The following QPCT variants were observed in gnomAD, a reference collection of about 807,000 sequenced individuals.
The protein encoded by QPCT is EC.
A neutral mutation model predicts 43.4 loss-of-function variants in QPCT; 44 were observed. The ratio of observed to expected loss-of-function variants is 1.01; its 90% confidence interval spans 0.80 to 1.30. QPCT has a LOEUF of 1.30. QPCT is among the 50% of genes most tolerant of loss of function. QPCT has a pLI of 0.00. For missense variants in QPCT, 526 were observed against 436.5 expected (o/e 1.21, Z -1.83); for synonymous variants, 168 against 168.4 (o/e 1.00, Z 0.02).
intron 2 of QPCT, among the ~76,000 whole-genome samples, chr2:37,355,155 G>C (rs138608169): frequency 1.3e-5 from 2 of 152,294 alleles, no homozygotes; most frequent in East Asian, 3.9e-4. Context: ...GCCTATGCAT[G>C]GGCTGGCTGA....
intron 3 of QPCT, among the ~76,000 whole-genome samples, chr2:37,362,213 A>G (rs1056329370): frequency 2.6e-5 from 4 of 152,234 alleles, no homozygotes; most frequent in Non-Finnish European, 4.4e-5. Flanking sequence ...CATGAGCAGA[A>G]TGCCTCTTGT....
In QPCT at chr2:37,363,641, AAATAC is replaced by A. The variant is rs1672898759; in HGVS notation, c.547-3590_547-3586del. On this transcript the variant is annotated intron_variant, in intron 3 of 6. Transcript: ENST00000338415. ...GTGAGACCCTGTCTCTTAAATAAAT[AAATAC>A]TTTTTTAAAATGTAAAAAAAAAAAA... is the stretch of plus-strand genomic sequence containing the variant. Among the ~76,000 whole-genome samples, 3 of 148,052 alleles carry A rather than the reference AAATAC, an allele frequency of 2.0e-5. No homozygotes were observed. The South Asian group carries it at 6.3e-4, about 31-fold the overall frequency.
At chr2:37,356,267 A>G (rs1250891947) in intron 2 of QPCT, among the ~76,000 whole-genome samples, 1 of 151,612 alleles carries the variant, frequency 6.6e-6, no homozygotes, top group Non-Finnish European at 1.5e-5. Flanking sequence ...TCATCTTTGT[A>G]TTTTTTTTCT....
At chr2:37,369,829 C>T in intron 5 of QPCT, 45 bp downstream of exon 5, 1 of 1,441,176 alleles carries the variant, frequency 6.9e-7, no homozygotes, top group Non-Finnish European at 9.8e-7. Context: ...TTTCTTGCTA[C>T]TGACAGATAC....
At chr2:37,345,432 A>G (rs1419489542) in intron 1 of QPCT, among the ~76,000 whole-genome samples, 1 of 152,198 alleles carries the variant, frequency 6.6e-6, no homozygotes, top group African/African-American at 2.4e-5. Flanking sequence ...TTTTTCCTCC[A>G]CTTAAAAGAG....
At position 37,367,308 on chromosome 2, in the gene QPCT, C is replaced by T; in HGVS notation, c.623C>T (p.Ser208Phe). 1 of 1,614,028 alleles carries T rather than the reference C, an allele frequency of 6.2e-7. No individual in the cohort carries two copies. The part of the protein sequence containing the change: ...FDGEEAFLHW[S>F]PQDSLYGSRH... ...GGTGAAGAGGCTTTTCTTCACTGGTCTCCTCAAGATTCTCTCTATGGGTCT... is the reference window on the plus strand; with the variant it reads ...GGTGAAGAGGCTTTTCTTCACTGGTTTCCTCAAGATTCTCTCTATGGGTCT... Residue 208 changes from serine (S) to phenylalanine (F), a missense_variant, in exon 4 of 7, where the codon TCT (serine) becomes TTT (phenylalanine). Coordinates refer to ENST00000338415, the MANE Select transcript of QPCT (RefSeq NM_012413.4).
chr2:37,347,248 C>CATATATATATATATATATATAACAT (rs1166067775), intron 1 of QPCT, among the ~76,000 whole-genome samples: 1 of 109,304 alleles, frequency 9.1e-6, no homozygotes, highest in Non-Finnish European at 1.8e-5. Flanking sequence ...ATATATATAA[C>CATATATATATATATATATATAACAT]ATATATATAT....
intron 2 of QPCT, among the ~76,000 whole-genome samples, chr2:37,355,325 A>C (rs72864858): frequency 6.6e-6 from 1 of 152,224 alleles, no homozygotes; most frequent in Non-Finnish European, 1.5e-5. Flanking sequence ...GAACTACACT[A>C]ATGGCCTTAA....
chr2:37,354,139 C>T (rs1316171380), intron 2 of QPCT, among the ~76,000 whole-genome samples: 5 of 152,250 alleles, frequency 3.3e-5, no homozygotes, highest in East Asian at 3.9e-4. Flanking sequence ...GCTGGGATTA[C>T]AGGCGTGAGC....
chr2:37,347,545 C>G (rs1235612559), intron 1 of QPCT, among the ~76,000 whole-genome samples: 1 of 152,006 alleles, frequency 6.6e-6, no homozygotes, highest in East Asian at 1.9e-4. Flanking sequence ...AGGGTGGACC[C>G]TAAATGGCAT....
At chr2:37,350,273 G>A (rs546802978) in intron 1 of QPCT, among the ~76,000 whole-genome samples, 1 of 152,298 alleles carries the variant, frequency 6.6e-6, no homozygotes, top group Non-Finnish European at 1.5e-5. Context: ...GACCAGACAG[G>A]CTTCTGTTGG....
At chr2:37,353,748 C>T (rs1042499668) in intron 2 of QPCT, among the ~76,000 whole-genome samples, 3 of 152,184 alleles carry the variant, frequency 2.0e-5, no homozygotes, top group East Asian at 1.9e-4. Context: ...TTTAAGGGGC[C>T]GCTTGGGAAG....
intron 2 of QPCT, among the ~76,000 whole-genome samples, chr2:37,354,297 A>T (rs1672695233): frequency 6.6e-6 from 1 of 152,216 alleles, no homozygotes; most frequent in Non-Finnish European, 1.5e-5. Context: ...TAGACGGTAG[A>T]CACCCTGCAG....
chr2:37,350,203 A>C (rs1204392643), intron 1 of QPCT, among the ~76,000 whole-genome samples: 2 of 152,174 alleles, frequency 1.3e-5, no homozygotes, highest in Non-Finnish European at 2.9e-5. Flanking sequence ...ACCTCAGAGC[A>C]TTTGGGGCCT....
intron 1 of QPCT, among the ~76,000 whole-genome samples, chr2:37,348,063 C>CGT (rs10598967): frequency 0.067 from 9,893 of 148,438 alleles, 401 homozygotes; most frequent in African/African-American, 0.11. Flanking sequence ...CGCGCGCACG[C>CGT]GTGTGTGTGT....
intron 3 of QPCT, among the ~76,000 whole-genome samples, chr2:37,365,030 T>A (rs1672934336): frequency 6.8e-6 from 1 of 147,928 alleles, no homozygotes. Flanking sequence ...TATTTTAAAA[T>A]AATTATATTA....
At chr2:37,348,461 C>T (rs538743757) in intron 1 of QPCT, among the ~76,000 whole-genome samples, 6 of 152,278 alleles carry the variant, frequency 3.9e-5, no homozygotes, top group South Asian at 2.1e-4. Context: ...TCAGTAACTG[C>T]TGATTGAGCT....
At chr2:37,366,589 C>G (rs969699101) in intron 3 of QPCT, among the ~76,000 whole-genome samples, 1 of 152,184 alleles carries the variant, frequency 6.6e-6, no homozygotes, top group African/African-American at 2.4e-5. Context: ...ACAGTTGTTT[C>G]AGGTTGGATT....
chr2:37,349,746 C>A (rs777756634), intron 1 of QPCT, among the ~76,000 whole-genome samples: 3 of 152,182 alleles, frequency 2.0e-5, no homozygotes, highest in Non-Finnish European at 4.4e-5. Context: ...ACAGCACTTC[C>A]TGGCCATTGC....
Sources: gnomAD v4.1 joint callset for allele counts (sites outside exome capture counted in the v4.1 genomes callset) on GRCh38, gnomAD v4.1.1 for gene constraint, MANE v1.5 for transcripts, NCBI Gene and HGNC (gene_info 2026-07-23, HGNC 2026-07-21) for gene names.